RFC1: variants seen among roughly 807,000 people sequenced by gnomAD.
RFC1 encodes the protein A1 140 kDa subunit.
A neutral mutation model predicts 137.4 loss-of-function variants in RFC1; 37 were observed. The observed-to-expected ratio is 0.27, with a 90% CI of 0.21 to 0.35. The LOEUF is 0.35. Ranked by LOEUF, RFC1 falls within the 10% of genes least tolerant of loss-of-function variation. RFC1 has a pLI of 1.00. For synonymous variants in RFC1, 429 were observed against 455.7 expected (o/e 0.94, Z 0.75); for missense variants, 1,205 against 1,358.5 (o/e 0.89, Z 1.78).
chr4:39,332,921 C>A (rs1410825932), intron 4 of RFC1, among the ~76,000 whole-genome samples: 3 of 152,200 alleles, frequency 2.0e-5, no homozygotes, highest in Non-Finnish European at 4.4e-5. Flanking sequence ...AGTTCAAGAC[C>A]AGCCTGGGCA....
intron 15 of RFC1, 52 bp from the exon 16 acceptor site, chr4:39,303,203 C>T: frequency 1.6e-6 from 2 of 1,213,680 alleles, no homozygotes. Flanking sequence ...ATAACAATTG[C>T]TCAAAAACTG....
At chr4:39,345,528 T>A in intron 2 of RFC1, 52 bp from the exon 3 acceptor site, 1 of 1,330,768 alleles carries the variant, frequency 7.5e-7, no homozygotes, top group Non-Finnish European at 1.0e-6. Flanking sequence ...ATAACTATCT[T>A]TTTTTTTTTT....
At chr4:39,305,069 A>G (rs903430387) in intron 14 of RFC1, 141 bp from the exon 15 acceptor site, 4 of 657,320 alleles carry the variant, frequency 6.1e-6, no homozygotes, top group African/African-American at 5.4e-5. Context: ...TGATACTAAC[A>G]GACAATGAGA....
chr4:39,294,661 C>G (rs1294208113), intron 22 of RFC1, among the ~76,000 whole-genome samples: 1 of 149,354 alleles, frequency 6.7e-6, no homozygotes, highest in East Asian at 2.0e-4. Flanking sequence ...CGCAGTGACA[C>G]TCTGTCTCAA....
chr4:39,332,767 T>C (rs7658917), intron 4 of RFC1, among the ~76,000 whole-genome samples: 55,707 of 152,136 alleles, frequency 0.37, 12,729 homozygotes, highest in East Asian at 0.58. Flanking sequence ...TCCCCTTCTC[T>C]ATAAATAGTA....
intron 11 of RFC1, 105 bp from the exon 12 acceptor site, chr4:39,311,654 C>T: frequency 3.0e-6 from 2 of 660,828 alleles, no homozygotes; most frequent in Non-Finnish European, 5.0e-6. Flanking sequence ...TGAAAAACCA[C>T]ATTCGTAAAT....
At chr4:39,333,432 G>A (rs1278650390) in intron 4 of RFC1, among the ~76,000 whole-genome samples, 2 of 152,008 alleles carry the variant, frequency 1.3e-5, no homozygotes, top group Non-Finnish European at 2.9e-5. Flanking sequence ...ATTTAGTCTA[G>A]TCATCACACT....
Position 39,287,876 on chromosome 4 carries a change from C to G in RFC1, c.*885G>C, listed in dbSNP as rs1737458056. 1 of 152,202 alleles carries G rather than the reference C, an allele frequency of 6.6e-6. No homozygotes were observed. Among genetic ancestry groups the G allele is most frequent in the African/African-American group, 2.4e-5 (1 of 41,434 alleles). 9.4% of individuals were successfully genotyped at this position (152,202 alleles called of 1,614,324 possible). A position where few individuals can be genotyped will look rare whatever the true frequency, so the allele number is the denominator to read the frequency against. The stretch of plus-strand genomic sequence containing the variant: ...CCATAGTGAAATTAAGAGCCTGACC[C>G]AGCCTGGTTCCTACTGGTCTGAACC... On this transcript the variant is annotated 3_prime_UTR_variant, in exon 25 of 25. Coordinates refer to ENST00000349703, the MANE Select transcript of RFC1 (RefSeq NM_002913.5).
At chr4:39,316,505 C>T (rs1739247648) in intron 10 of RFC1, among the ~76,000 whole-genome samples, 1 of 152,160 alleles carries the variant, frequency 6.6e-6, no homozygotes, top group Non-Finnish European at 1.5e-5. Flanking sequence ...ATTTAAATGT[C>T]ACATTCTACA....
intron 2 of RFC1, among the ~76,000 whole-genome samples, 173 bp downstream of exon 2, chr4:39,351,175 C>CA (rs1741171014): frequency 7.3e-6 from 1 of 137,190 alleles, no homozygotes; most frequent in South Asian, 2.4e-4. Context: ...GGCATGAACC[C>CA]AGGAGGCGGA....
At chr4:39,363,140 C>T (rs2109786296) in intron 1 of RFC1, among the ~76,000 whole-genome samples, 1 of 152,296 alleles carries the variant, frequency 6.6e-6, no homozygotes, top group South Asian at 2.1e-4. Flanking sequence ...ATAATTATAC[C>T]AACCAATTAA....
Position 39,303,123 on chromosome 4 carries a change from T to C in RFC1, c.2139A>G (p.Lys713=), listed in dbSNP as rs1436179231. 1 of 1,613,886 alleles carries C rather than the reference T, an allele frequency of 6.2e-7. No individual in the cohort carries two copies. The highest frequency in any genetic ancestry group is 8.5e-7 in the Non-Finnish European group (1 of 1,179,878). The part of the protein sequence containing the change: ...SNGAASSVST[K]HALIMDEVDG... ...CTACTTCATCCATGATGAGAGCATGTTTCGTGCTTACTGAAGAGGCTGCTC... is the reference window on the plus strand; with the variant it reads ...CTACTTCATCCATGATGAGAGCATGCTTCGTGCTTACTGAAGAGGCTGCTC... The change falls in exon 16 of 25, where the codon AAA becomes AAG. Residue 713 remains lysine, a synonymous_variant. Transcript: ENST00000349703.
intron 3 of RFC1, among the ~76,000 whole-genome samples, chr4:39,343,900 G>A (rs2109735254): frequency 6.6e-6 from 1 of 152,068 alleles, no homozygotes; most frequent in South Asian, 2.1e-4. Context: ...ATCACCTGAG[G>A]TCAGGAGTTC....
At chr4:39,341,532 C>T (rs1274216935) in intron 4 of RFC1, 3 of 440,964 alleles carry the variant, frequency 6.8e-6, no homozygotes, top group East Asian at 7.0e-5. Context: ...AAATGTTTCA[C>T]GTAACCTACA....
rs1273897241 is a variant in RFC1, at chr4:39,342,429, T to G, written c.247A>C (p.Lys83Gln). 6.2e-7 allele frequency: 1 copy of G among 1,613,538 alleles called. No individual in the cohort carries two copies. The highest frequency in any genetic ancestry group is 2.2e-5 in the East Asian group (1 of 44,814). ...ACTGGCAGTTTTTCTGGTGGCTTTT[T>G]GGCATTTTTTACCTGCAACGTCTCC... ...SEETLQVKNA[K>Q]KPPEKLPVSS... The change falls in exon 4 of 25, where the codon AAA (lysine) becomes CAA (glutamine). Residue 83 changes from lysine (K) to glutamine (Q), a missense_variant. Transcript: ENST00000349703.
rs1474469059 is a variant in RFC1, at chr4:39,308,915, C to A, written c.1606G>T (p.Asp536Tyr). The change falls in exon 13 of 25, where the codon GAC becomes TAC. Residue 536 changes from aspartate (D) to tyrosine (Y), a missense_variant. By Grantham distance (160) the Asp-to-Tyr change is radical. This residue lies in a region of RFC1 where 962 missense variants were observed against 1,035.3 expected (regional missense o/e 0.93). Transcript: ENST00000349703. ...TTTTTTATTGTCTTTGCCAAACTGT[C>A]CCTTTTGGAAGTCGGCCTGCTCTTT... ...SKKSRPTSKR[D>Y]SLAKTIKKET... 1 of 1,614,142 alleles carries A rather than the reference C, an allele frequency of 6.2e-7. No homozygotes were observed. Among genetic ancestry groups the A allele is most frequent in the Admixed American group, 1.7e-5 (1 of 60,012 alleles).
intron 13 of RFC1, among the ~76,000 whole-genome samples, chr4:39,307,714 T>TCAAAA (rs1342256044): frequency 1.6e-4 from 22 of 136,046 alleles, no homozygotes; most frequent in East Asian, 4.2e-4. Flanking sequence ...AGACTCTGTC[T>TCAAAA]CAAAACAAAA....
At chr4:39,340,675 G>A (rs1346726232) in intron 4 of RFC1, among the ~76,000 whole-genome samples, 1 of 151,862 alleles carries the variant, frequency 6.6e-6, no homozygotes, top group Non-Finnish European at 1.5e-5. Flanking sequence ...CTTATTGTGG[G>A]CTTTTTTTAA....
chr4:39,320,711 T>C (rs1739478888), intron 8 of RFC1, 42 bp from the exon 9 acceptor site: 1 of 1,513,012 alleles, frequency 6.6e-7, no homozygotes, highest in Non-Finnish European at 8.8e-7. Flanking sequence ...TTTTGGAAAA[T>C]GATAATCTAT....
Sources: gnomAD v4.1 joint callset for allele counts (sites outside exome capture counted in the v4.1 genomes callset) on GRCh38, gnomAD v4.1.1 for gene constraint, gnomAD v4.1.1 regional missense constraint, MANE v1.5 for transcripts, NCBI Gene and HGNC (gene_info 2026-07-23, HGNC 2026-07-21) for gene names.